PCDH15: variants seen among roughly 807,000 people sequenced by gnomAD.
PCDH15 encodes protocadherin-15.
In PCDH15, 129 loss-of-function variants were observed where a neutral mutation model predicts 178.5. The ratio of observed to expected loss-of-function variants is 0.72; its 90% confidence interval spans 0.63 to 0.84. The LOEUF (loss-of-function observed/expected upper bound fraction) is 0.84, where lower values mean the gene tolerates loss of function less well. Ranked by LOEUF, PCDH15 falls within the 40% of genes least tolerant of loss-of-function variation. The pLI is 0.00. For synonymous variants in PCDH15, 800 were observed against 732.0 expected, an observed-to-expected ratio of 1.09 and a Z score of -1.50; for missense variants, 2,230 against 2,099.9, an observed-to-expected ratio of 1.06 and a Z score of -1.21.
chr10:55,077,022 C>T (rs1256447943), intron 2 of PCDH15, among the ~76,000 whole-genome samples: 1 of 151,946 alleles, frequency 6.6e-6, no homozygotes, highest in Admixed American at 6.6e-5. Flanking sequence ...CCGCCTCAGC[C>T]TCCCAAAGTG....
chr10:55,099,162 T>C (rs1234134400), intron 2 of PCDH15, among the ~76,000 whole-genome samples: 1 of 152,102 alleles, frequency 6.6e-6, no homozygotes, highest in African/African-American at 2.4e-5. Context: ...TTCTGGCCTC[T>C]AGGGGTTCTC....
chr10:54,904,505 T>C (rs1033179687), intron 2 of PCDH15, among the ~76,000 whole-genome samples: 5 of 152,062 alleles, frequency 3.3e-5, no homozygotes, highest in Non-Finnish European at 7.4e-5. Flanking sequence ...AAAATCTATA[T>C]AATAAGATGA....
At chr10:54,405,018 T>C (rs1224475320) in intron 3 of PCDH15, among the ~76,000 whole-genome samples, 1 of 152,020 alleles carries the variant, frequency 6.6e-6, no homozygotes, top group Non-Finnish European at 1.5e-5. Context: ...GCCAGTGAGG[T>C]TGCAGAAAAA....
Position 53,897,657 on chromosome 10 carries a change from G to A in PCDH15, c.3501+5586C>T, listed in dbSNP as rs913992406. ...TCAAAACGTCTTCTTCTTCCCAAAC[G>A]GTAACAGAGTAGCCATTAAACAACA... is the stretch of plus-strand genomic sequence containing the variant. On this transcript the variant is annotated intron_variant, in intron 26 of 37. Transcript: ENST00000644397. Among the ~76,000 whole-genome samples the A allele has an allele frequency of 6.6e-5, 10 of 152,006 alleles. No individual in the cohort carries two copies. In the East Asian group the frequency reaches 1.6e-3, roughly 24 times the overall value.
At position 54,863,551 on chromosome 10, in the gene PCDH15, T is replaced by C. The variant is rs7070367; in HGVS notation, c.-29+33899A>G. On this transcript the variant is annotated intron_variant, in intron 3 of 5. Transcript: ENST00000458638. ...AGCGAGACTCCGTCTCAAAATAATA[T>C]ATATATTTGACTGAATGTTGTTCTA... Among the ~76,000 whole-genome samples, 861 of 152,194 alleles carry C rather than the reference T, an allele frequency of 5.7e-3. 9 individuals carry two copies. The highest frequency in any genetic ancestry group is 0.02 in the African/African-American group (823 of 41,558).
At chr10:54,278,509 C>G (rs1034118460) in intron 8 of PCDH15, among the ~76,000 whole-genome samples, 1 of 151,534 alleles carries the variant, frequency 6.6e-6, no homozygotes, top group Non-Finnish European at 1.5e-5. Flanking sequence ...TGTCTACTCC[C>G]TCATATTTCA....
intron 3 of PCDH15, among the ~76,000 whole-genome samples, chr10:54,825,223 A>C (rs1475513488): frequency 5.1e-4 from 78 of 152,036 alleles, no homozygotes; most frequent in African/African-American, 1.8e-3. Flanking sequence ...TTATGGCTGC[A>C]TAGTATTCCA....
At chr10:55,285,122 A>T (rs1842835266) in intron 1 of PCDH15, among the ~76,000 whole-genome samples, 1 of 148,814 alleles carries the variant, frequency 6.7e-6, no homozygotes, top group East Asian at 2.1e-4. Context: ...GGTAAATACA[A>T]GTTTACCATA....
At chr10:54,886,652 C>T (rs545147162) in intron 3 of PCDH15, among the ~76,000 whole-genome samples, 105 of 152,324 alleles carry the variant, frequency 6.9e-4, no homozygotes, top group Non-Finnish European at 1.4e-3. Context: ...ATCCTAGCTA[C>T]TCGGGAGGCC....
chr10:55,187,312 T>C (rs1445013731), intron 1 of PCDH15, among the ~76,000 whole-genome samples: 1 of 152,084 alleles, frequency 6.6e-6, no homozygotes, highest in South Asian at 2.1e-4. Flanking sequence ...TATTTTTGTA[T>C]TGAAATATGT....
intron 18 of PCDH15, among the ~76,000 whole-genome samples, chr10:54,055,134 C>T (rs2093857973): frequency 6.6e-6 from 1 of 152,064 alleles, no homozygotes; most frequent in South Asian, 2.1e-4. Context: ...TGTATCACTA[C>T]CCTTCCAAAC....
chr10:54,904,239 T>G (rs1452897894), intron 2 of PCDH15, among the ~76,000 whole-genome samples: 5 of 152,238 alleles, frequency 3.3e-5, no homozygotes, highest in South Asian at 2.1e-4. Context: ...ATTAATGTTA[T>G]TTTCTTCTTA....
At chr10:54,160,074 A>G (rs2045556716) in intron 13 of PCDH15, among the ~76,000 whole-genome samples, 2 of 152,166 alleles carry the variant, frequency 1.3e-5, no homozygotes, top group Admixed American at 1.3e-4. Context: ...GTTATGTAAA[A>G]TAAGGGTACC....
chr10:54,462,512 C>CTTTT (rs562731025), intron 3 of PCDH15, among the ~76,000 whole-genome samples: 674 of 66,508 alleles, frequency 0.01, no homozygotes, highest in East Asian at 0.023. Context: ...TTTTTCTTTT[C>CTTTT]TTTTTTTTTT....
intron 1 of PCDH15, among the ~76,000 whole-genome samples, chr10:54,668,038 T>C (rs1020943279): frequency 6.6e-6 from 1 of 152,080 alleles, no homozygotes; most frequent in African/African-American, 2.4e-5. Context: ...AAGACAAACA[T>C]ACTAATTTTG....
chr10:54,117,385 C>T (rs991097059), intron 15 of PCDH15, among the ~76,000 whole-genome samples: 2 of 152,098 alleles, frequency 1.3e-5, no homozygotes, highest in Admixed American at 1.3e-4. Context: ...ACTGCAGAAC[C>T]CCAAGGAGGG....
rs1390416422 is a variant in PCDH15, at chr10:54,655,298, GAGAGAC to G, written c.91+8868_91+8873del. 4.4e-3 allele frequency among the ~76,000 whole-genome samples: 492 copies of G among 112,094 alleles called. 3 individuals carry two copies. The highest frequency in any genetic ancestry group is 8.9e-3 in the Admixed American group (102 of 11,516). 73.5% of individuals were successfully genotyped at this position (112,094 alleles called of 152,430 possible). A position where few individuals can be genotyped will look rare whatever the true frequency, so the allele number is the denominator to read the frequency against. ...AGAGAGAGAGAGAGAGAGAGAGAGA[GAGAGAC>G]AGAGAGAGAGACAGAGAAAGAGAGA... On this transcript the variant is annotated intron_variant, in intron 2 of 37. Coordinates refer to ENST00000644397, the MANE Select transcript of PCDH15 (RefSeq NM_001384140.1).
intron 1 of PCDH15, among the ~76,000 whole-genome samples, chr10:55,290,691 A>C (rs1842986252): frequency 6.6e-6 from 1 of 152,162 alleles, no homozygotes; most frequent in South Asian, 2.1e-4. Context: ...ATAAGCTTCA[A>C]CACAGACTAT....
chr10:53,852,649 T>C (rs1268159586), intron 28 of PCDH15, among the ~76,000 whole-genome samples: 1 of 152,092 alleles, frequency 6.6e-6, no homozygotes, highest in Non-Finnish European at 1.5e-5. Context: ...CATTGTAAAA[T>C]GGATATGTCA....
Sources: gnomAD v4.1 joint callset for allele counts (sites outside exome capture counted in the v4.1 genomes callset) on GRCh38, gnomAD v4.1.1 for gene constraint, MANE v1.5 for transcripts, NCBI Gene and HGNC (gene_info 2026-07-23, HGNC 2026-07-21) for gene names.